TMTC2: variants seen among roughly 807,000 people sequenced by gnomAD.
TMTC2 encodes protein O-mannosyl-transferase TMTC2.
Under a neutral mutation model 82.4 loss-of-function variants are expected in TMTC2, and 43 were observed. The observed-to-expected ratio is 0.52, with a 90% CI of 0.41 to 0.67. The LOEUF is 0.67. TMTC2 is among the 30% of genes least tolerant of loss of function. The pLI, the probability that TMTC2 is intolerant of heterozygous loss-of-function variation, is 0.00. For synonymous variants in TMTC2, 408 were observed against 381.9 expected (o/e 1.07, Z -0.80); for missense variants, 919 against 1,012.4 (o/e 0.91, Z 1.25).
intron 2 of TMTC2, among the ~76,000 whole-genome samples, chr12:82,880,217 A>G (rs1279434548): frequency 6.6e-6 from 1 of 152,244 alleles, no homozygotes; most frequent in African/African-American, 2.4e-5. Flanking sequence ...ACAGAAACCT[A>G]TTCAAGAGTG....
intron 1 of TMTC2, among the ~76,000 whole-genome samples, chr12:82,688,419 A>G (rs750750343): frequency 2.0e-5 from 3 of 152,164 alleles, no homozygotes; most frequent in Non-Finnish European, 2.9e-5. Context: ...TTGGGTGGCT[A>G]ATGAGACCTG....
intron 1 of TMTC2, among the ~76,000 whole-genome samples, chr12:82,846,220 T>C (rs967025575): frequency 2.0e-5 from 3 of 151,936 alleles, no homozygotes; most frequent in African/African-American, 7.3e-5. Flanking sequence ...TTAGCCAGCA[T>C]TGTGGCGCAC....
intron 8 of TMTC2, among the ~76,000 whole-genome samples, chr12:83,025,562 C>G (rs1245396134): frequency 6.6e-6 from 1 of 152,164 alleles, no homozygotes; most frequent in Non-Finnish European, 1.5e-5. Flanking sequence ...GTCCCGCAGA[C>G]ACCAACAGGA....
chr12:82,846,372 C>T lies in TMTC2; in HGVS notation c.84-10638C>T, dbSNP rs559229373. On this transcript the variant is annotated intron_variant, in intron 1 of 11. Coordinates refer to ENST00000321196, the MANE Select transcript of TMTC2 (RefSeq NM_152588.3). ...GACTCTGTCTTTTTTTTAAAAAAAA[C>T]GAAAAACAGGAAAGATTGTCTAGGT... 9.6e-4 allele frequency among the ~76,000 whole-genome samples: 146 copies of T among 151,600 alleles called. No individual in the cohort carries two copies. The Middle Eastern group carries it at 0.017, about 18-fold the overall frequency.
intron 1 of TMTC2, among the ~76,000 whole-genome samples, chr12:82,793,958 T>A (rs1477032895): frequency 6.6e-6 from 1 of 152,178 alleles, no homozygotes; most frequent in Non-Finnish European, 1.5e-5. Flanking sequence ...GCTTTCTTGA[T>A]CCCTAGGGAC....
intron 1 of TMTC2, among the ~76,000 whole-genome samples, chr12:82,775,277 G>A (rs11115411): frequency 6.6e-6 from 1 of 151,646 alleles, no homozygotes; most frequent in Non-Finnish European, 1.5e-5. Context: ...AGCAAGACCT[G>A]GTCTTTATAA....
At position 82,851,820 on chromosome 12, in the gene TMTC2, G is replaced by C. The variant is rs151166469; in HGVS notation, c.84-5190G>C. Among the ~76,000 whole-genome samples, 477 of 152,044 alleles carry C rather than the reference G, an allele frequency of 3.1e-3. 4 individuals carry two copies. Among genetic ancestry groups the C allele is most frequent in the African/African-American group, 0.011 (458 of 41,482 alleles). On this transcript the variant is annotated intron_variant, in intron 1 of 11. Transcript: ENST00000321196. ...TGTCAGAACAGCGCCATTTGATGTT[G>C]GAAGAATCTAAGCGTCATTCCTGCT... is the stretch of plus-strand genomic sequence containing the variant.
intron 8 of TMTC2, 79 bp from the exon 9 acceptor site, chr12:83,030,719 G>T: frequency 3.3e-5 from 36 of 1,082,804 alleles, no homozygotes; most frequent in South Asian, 1.5e-4. Context: ...GTAGACATTT[G>T]GCTACTTCAG....
chr12:82,713,194 G>A (rs1029393710), intron 1 of TMTC2, among the ~76,000 whole-genome samples: 3 of 152,190 alleles, frequency 2.0e-5, no homozygotes, highest in South Asian at 2.1e-4. Context: ...GGTGGCACAC[G>A]CCTGTAATCC....
At chr12:83,120,479 C>T (rs963591540) in intron 11 of TMTC2, among the ~76,000 whole-genome samples, 1 of 152,174 alleles carries the variant, frequency 6.6e-6, no homozygotes, top group Admixed American at 6.5e-5. Context: ...AAAGCTAGGG[C>T]CCCAAGCCCT....
chr12:82,997,095 C>G (rs1879653966), intron 8 of TMTC2, among the ~76,000 whole-genome samples: 1 of 150,544 alleles, frequency 6.6e-6, no homozygotes, highest in Admixed American at 6.7e-5. Context: ...TCACTCCACT[C>G]TCTCTCTGCT....
chr12:82,916,167 G>T (rs1043801361), intron 3 of TMTC2, among the ~76,000 whole-genome samples: 5 of 152,162 alleles, frequency 3.3e-5, no homozygotes, highest in Admixed American at 6.5e-5. Flanking sequence ...ACATAAACAG[G>T]ACCACTATTT....
intron 1 of TMTC2, among the ~76,000 whole-genome samples, chr12:82,692,609 C>T (rs897403637): frequency 2.6e-5 from 4 of 152,218 alleles, no homozygotes; most frequent in African/African-American, 9.6e-5. Flanking sequence ...TTATTATACT[C>T]ATCTGAAGTG....
chr12:82,971,201 A>G (rs1878430915), intron 7 of TMTC2, among the ~76,000 whole-genome samples: 2 of 151,660 alleles, frequency 1.3e-5, no homozygotes, highest in Non-Finnish European at 2.9e-5. Flanking sequence ...TATTAGAACC[A>G]GGAGTATAGT....
chr12:82,919,128 A>G (rs1190600174), intron 3 of TMTC2, among the ~76,000 whole-genome samples: 1 of 152,218 alleles, frequency 6.6e-6, no homozygotes, highest in Non-Finnish European at 1.5e-5. Flanking sequence ...GAAGTCCAAG[A>G]GTATTGTGCT....
At chr12:83,052,736 CT>C (rs1231759152) in intron 10 of TMTC2, among the ~76,000 whole-genome samples, 1 of 152,072 alleles carries the variant, frequency 6.6e-6, no homozygotes, top group Non-Finnish European at 1.5e-5. Context: ...AAATAAAGTC[CT>C]TGTTAAAGAC....
At chr12:83,013,849 G>A (rs1008212188) in intron 8 of TMTC2, among the ~76,000 whole-genome samples, 3 of 152,126 alleles carry the variant, frequency 2.0e-5, no homozygotes, top group African/African-American at 4.8e-5. Context: ...TCAGTATTTC[G>A]AAGAGACAGT....
intron 1 of TMTC2, among the ~76,000 whole-genome samples, chr12:82,839,602 G>T (rs1391586732): frequency 6.6e-6 from 1 of 152,190 alleles, no homozygotes; most frequent in African/African-American, 2.4e-5. Context: ...ATAATAAAGT[G>T]TGTAATTGGA....
chr12:82,751,295 C>T (rs1363712243), intron 1 of TMTC2, among the ~76,000 whole-genome samples: 2 of 151,538 alleles, frequency 1.3e-5, no homozygotes, highest in African/African-American at 2.4e-5. Flanking sequence ...GGACAAAAAA[C>T]CAAACACCGC....
Sources: allele counts gnomAD v4.1 joint callset (sites outside exome capture counted in the v4.1 genomes callset), GRCh38; gene constraint gnomAD v4.1.1; transcripts MANE v1.5; gene names NCBI Gene and HGNC (gene_info 2026-07-23, HGNC 2026-07-21).